The following TRPM7 variants were observed in gnomAD, a reference collection of about 807,000 sequenced individuals.
TRPM7 encodes the protein transient receptor potential cation channel subfamily M member 7.
A neutral mutation model predicts 229.7 loss-of-function variants in TRPM7; 134 were observed. The observed-to-expected ratio is 0.58, with a 90% confidence interval of 0.51 to 0.67. The LOEUF is 0.67. Among genes scored for constraint, TRPM7 ranks in the 30% least tolerant of loss-of-function variants. The pLI is 0.00. For missense variants in TRPM7, 1,901 were observed against 2,210.0 expected (o/e 0.86, Z 2.80); for synonymous variants, 699 against 715.2 (o/e 0.98, Z 0.36).
chr15:50,634,629 G>A, intron 7 of TRPM7, 73 bp from the exon 8 acceptor site: 1 of 1,089,162 alleles, frequency 9.2e-7, no homozygotes, highest in Non-Finnish European at 1.2e-6. Flanking sequence ...AAAAAATTAG[G>A]CAAAATTCAG....
chr15:50,565,652 A>G (rs1034296496), intron 38 of TRPM7, among the ~76,000 whole-genome samples: 4 of 152,204 alleles, frequency 2.6e-5, no homozygotes, highest in African/African-American at 9.7e-5. Flanking sequence ...ATATTTGGAG[A>G]CTTCCTTTCT....
rs1302385363 is a variant in TRPM7 at position 50,609,732 on chromosome 15, T to A, written c.2437-8A>T. The A allele has an allele frequency of 1.2e-5, 17 of 1,381,174 alleles. No individual in the cohort carries two copies. Among genetic ancestry groups the A allele is most frequent in the Middle Eastern group, 1.9e-4 (1 of 5,384 alleles). The allele number at this position is 1,381,174 out of a possible 1,614,324, so 85.6% of individuals were successfully genotyped here. A position where few individuals can be genotyped will look rare whatever the true frequency, so the allele number is the denominator to read the frequency against. ...TACTTCTTTAAACACTTCCTAAAAT[T>A]AAAAAAAAAAAAATTCTTTTGTACA... On this transcript the variant is annotated splice_region_variant and splice_polypyrimidine_tract_variant and intron_variant, in intron 18 of 38. Coordinates refer to ENST00000646667, the MANE Select transcript of TRPM7 (RefSeq NM_017672.6).
intron 4 of TRPM7, among the ~76,000 whole-genome samples, chr15:50,643,779 A>G (rs1357990930): frequency 1.3e-5 from 2 of 152,226 alleles, no homozygotes; most frequent in African/African-American, 4.8e-5. Flanking sequence ...CTAACTTTTA[A>G]ACATTTAGAC....
rs182397321 is a variant in TRPM7 at position 50,561,346 on chromosome 15, G to C, written c.*332C>G. 3.1e-4 allele frequency: 59 copies of C among 192,056 alleles called. No individual in the cohort carries two copies. Among genetic ancestry groups the C allele is most frequent in the Admixed American group, 2.5e-3 (42 of 16,670 alleles). The allele number at this position is 192,056 out of a possible 1,614,324, so 11.9% of individuals were successfully genotyped here. A position where few individuals can be genotyped will look rare whatever the true frequency, so the allele number is the denominator to read the frequency against. ...AAATCTGCATGGACACCTACCTTTGGTTAATGGTATTGTACCACATAAGAG... is the reference window on the plus strand; with the variant it reads ...AAATCTGCATGGACACCTACCTTTGCTTAATGGTATTGTACCACATAAGAG... On this transcript the variant is annotated 3_prime_UTR_variant, in exon 39 of 39. Transcript: ENST00000646667.
At chr15:50,660,424 G>A (rs2061693525) in intron 2 of TRPM7, among the ~76,000 whole-genome samples, 2 of 152,024 alleles carry the variant, frequency 1.3e-5, no homozygotes, top group South Asian at 4.1e-4. Context: ...AGGCTGAGGC[G>A]GGCAGATTAT....
In TRPM7 at chr15:50,558,417, G is replaced by A. The variant is rs936940291; in HGVS notation, c.*3261C>T. On this transcript the variant is annotated 3_prime_UTR_variant, in exon 39 of 39. Coordinates refer to ENST00000646667, the MANE Select transcript of TRPM7 (RefSeq NM_017672.6). ...TTAAAATTAGTTGGGTGTTACCCAG[G>A]CATGGTGGCTCACACCTATAATCCC... 3 of 152,198 alleles carry A rather than the reference G, an allele frequency of 2.0e-5. No homozygotes were observed. Among genetic ancestry groups the A allele is most frequent in the African/African-American group, 4.8e-5 (2 of 41,422 alleles). The allele number at this position is 152,198 out of a possible 1,614,324, so 9.4% of individuals were successfully genotyped here. A position where few individuals can be genotyped will look rare whatever the true frequency, so the allele number is the denominator to read the frequency against.
Position 50,592,480 on chromosome 15 carries a change from T to A in TRPM7, c.3755A>T (p.Gln1252Leu). ...TVDTLKTLTAQKASEASKVHN... is the reference protein window; with the variant it reads ...TVDTLKTLTALKASEASKVHN... ...AACTTTGCTAGCTTCCGACGCTTTC[T>A]GGGCAGTGAGTGTTTTTAATGTATC... The change falls in exon 26 of 39, where the codon CAG becomes CTG. Residue 1252 changes from glutamine to leucine, a missense_variant. Gln to Leu is a moderately radical substitution (Grantham distance 113). Transcript: ENST00000646667. 6.2e-7 allele frequency: 1 copy of A among 1,614,202 alleles called. No individual in the cohort carries two copies. Among genetic ancestry groups the A allele is most frequent in the Non-Finnish European group, 8.5e-7 (1 of 1,180,040 alleles).
At chr15:50,621,270 CTAAGT>C (rs1183126391) in intron 12 of TRPM7, among the ~76,000 whole-genome samples, 8 of 150,790 alleles carry the variant, frequency 5.3e-5, no homozygotes, top group African/African-American at 1.9e-4. Flanking sequence ...AAAGTTTCTT[CTAAGT>C]TAATAAGACG....
chr15:50,609,457 CTT>C, intron 19 of TRPM7, 122 bp downstream of exon 19: 2 of 958,838 alleles, frequency 2.1e-6, no homozygotes, highest in Non-Finnish European at 3.0e-6. Flanking sequence ...ATGTATCACT[CTT>C]TTAAATGTGA....
chr15:50,676,195 A>G (rs989207131), intron 1 of TRPM7, among the ~76,000 whole-genome samples: 4 of 152,192 alleles, frequency 2.6e-5, no homozygotes, highest in African/African-American at 9.7e-5. Flanking sequence ...TCTCTAAACA[A>G]ATCACTACCA....
intron 17 of TRPM7, among the ~76,000 whole-genome samples, chr15:50,610,464 T>C (rs1382119733): frequency 6.6e-6 from 1 of 152,202 alleles, no homozygotes; most frequent in African/African-American, 2.4e-5. Context: ...ATTGTAATTG[T>C]GTAACAGGTT....
At chr15:50,579,835 G>C (rs1235272469) in intron 30 of TRPM7, among the ~76,000 whole-genome samples, 1 of 151,970 alleles carries the variant, frequency 6.6e-6, no homozygotes, top group African/African-American at 2.4e-5. Context: ...TCTCGCTGTT[G>C]CCCAGGCTGG....
intron 13 of TRPM7, among the ~76,000 whole-genome samples, chr15:50,618,451 T>A (rs1220936784): frequency 6.6e-6 from 1 of 151,954 alleles, no homozygotes; most frequent in Non-Finnish European, 1.5e-5. Flanking sequence ...GTGCCTGTAG[T>A]CCCAGCTACT....
intron 36 of TRPM7, among the ~76,000 whole-genome samples, chr15:50,571,069 C>T (rs965610597): frequency 6.6e-6 from 1 of 152,048 alleles, no homozygotes. Flanking sequence ...TAAACACATA[C>T]ACACACACAC....
At chr15:50,616,684 CT>C (rs34097559) in intron 13 of TRPM7, among the ~76,000 whole-genome samples, 75,881 of 149,476 alleles carry the variant, frequency 0.51, 19,320 homozygotes, top group South Asian at 0.56. Context: ...AAAATGTATG[CT>C]TTTTTTTTTT....
At chr15:50,661,771 C>T (rs1003524127) in intron 2 of TRPM7, among the ~76,000 whole-genome samples, 7 of 152,042 alleles carry the variant, frequency 4.6e-5, no homozygotes, top group Admixed American at 3.3e-4. Context: ...TGACAGGAGA[C>T]GGAAAAGGAA....
intron 11 of TRPM7, among the ~76,000 whole-genome samples, chr15:50,626,734 G>A (rs1472782439): frequency 6.6e-6 from 1 of 151,780 alleles, no homozygotes; most frequent in African/African-American, 2.4e-5. Context: ...CTGTAGTCCT[G>A]CAAGAGGAGA....
chr15:50,626,989 C>A (rs571506781), intron 11 of TRPM7, among the ~76,000 whole-genome samples: 11 of 152,208 alleles, frequency 7.2e-5, no homozygotes, highest in African/African-American at 2.6e-4. Flanking sequence ...ACTGTGCATA[C>A]TTTTCTGCAA....
chr15:50,583,132 G>A lies in TRPM7; in HGVS notation c.4514C>T (p.Thr1505Ile), dbSNP rs570693505. ...GGAATCTACTTCATGAGTGTCTTCGGTAGATGGCCTTCTACTGATTTTTTC... is the reference window on the plus strand; with the variant it reads ...GGAATCTACTTCATGAGTGTCTTCGATAGATGGCCTTCTACTGATTTTTTC... ...QAEKISRRPS[T>I]EDTHEVDSKA... is the part of the protein sequence containing the mutation. The change falls in exon 29 of 39, where the codon ACC (threonine) becomes ATC (isoleucine). Residue 1505 changes from threonine to isoleucine, a missense_variant. Thr to Ile is a moderately conservative substitution (Grantham distance 89). Around this residue, in one of 8 missense-constraint regions of TRPM7, gnomAD observed 533 missense variants for 497.1 expected, o/e 1.07. Coordinates refer to ENST00000646667, the MANE Select transcript of TRPM7 (RefSeq NM_017672.6). 7.2e-5 allele frequency: 115 copies of A among 1,607,370 alleles called. No homozygotes were observed. The South Asian group carries it at 1.1e-3, about 15-fold the overall frequency.
Sources: gnomAD v4.1 joint callset for allele counts (sites outside exome capture counted in the v4.1 genomes callset) on GRCh38, gnomAD v4.1.1 for gene constraint, gnomAD v4.1.1 regional missense constraint, MANE v1.5 for transcripts, NCBI Gene and HGNC (gene_info 2026-07-23, HGNC 2026-07-21) for gene names.